The following TEK variants were observed in gnomAD, a reference collection of about 807,000 sequenced individuals.
The protein encoded by TEK is angiopoietin-1 receptor.
In TEK, 43 loss-of-function variants were observed where a neutral mutation model predicts 131.8. The observed-to-expected ratio is 0.33, with a 90% confidence interval of 0.26 to 0.42. The LOEUF (loss-of-function observed/expected upper bound fraction) is 0.42, where lower values mean the gene tolerates loss of function less well. TEK is among the 10% of genes least tolerant of loss of function. The probability of loss-of-function intolerance (pLI) is 1.00; values close to 1 mark genes in which losing one functional copy is unlikely to be tolerated. For synonymous variants in TEK, 580 were observed against 491.6 expected (o/e 1.18, Z -2.38); for missense variants, 1,162 against 1,384.4 (o/e 0.84, Z 2.55).
rs368410042 is a variant in TEK, at chr9:27,134,983, C to T, written c.53-22848C>T. Among the ~76,000 whole-genome samples, 494 of 152,196 alleles carry T rather than the reference C, an allele frequency of 3.2e-3. 3 individuals carry two copies. The highest frequency in any genetic ancestry group is 0.011 in the African/African-American group (469 of 41,560). Reference sequence around the variant, plus strand: ...TAAATTGTTATAATCCCAGCACTTTCGGAGGCTGAGGCAGGTGGATCACCT... The same window carrying T: ...TAAATTGTTATAATCCCAGCACTTTTGGAGGCTGAGGCAGGTGGATCACCT... On this transcript the variant is annotated intron_variant, in intron 1 of 22. Transcript: ENST00000380036.
At chr9:27,164,213 G>T (rs983167616) in intron 2 of TEK, among the ~76,000 whole-genome samples, 4 of 152,096 alleles carry the variant, frequency 2.6e-5, no homozygotes, top group Admixed American at 6.6e-5. Context: ...GTAAAATTAG[G>T]ATAATTGTAG....
At chr9:27,200,926 G>A (rs1825192219) in intron 12 of TEK, among the ~76,000 whole-genome samples, 1 of 152,092 alleles carries the variant, frequency 6.6e-6, no homozygotes, top group Admixed American at 6.5e-5. Flanking sequence ...AACTAGTACG[G>A]CATGGGGATT....
chr9:27,169,294 T>C (rs1431642086), intron 3 of TEK, among the ~76,000 whole-genome samples, 183 bp from the exon 4 acceptor site: 1 of 152,242 alleles, frequency 6.6e-6, no homozygotes, highest in Non-Finnish European at 1.5e-5. Context: ...TCTATCACTA[T>C]GACTTTCTTG....
intron 3 of TEK, 98 bp downstream of exon 3, chr9:27,168,703 TG>T: frequency 1.0e-6 from 1 of 963,170 alleles, no homozygotes; most frequent in Non-Finnish European, 1.6e-6. Flanking sequence ...TGTGGGCAGA[TG>T]TTTGAATTAA....
At chr9:27,212,601 T>C in intron 16 of TEK, 106 bp from the exon 17 acceptor site, 1 of 1,266,740 alleles carries the variant, frequency 7.9e-7, no homozygotes, top group Non-Finnish European at 1.1e-6. Flanking sequence ...GCTAGATGTG[T>C]TTTTTAGACA....
chr9:27,185,670 C>CA (rs1564083750), intron 9 of TEK, 41 bp downstream of exon 9: 1 of 1,611,948 alleles, frequency 6.2e-7, no homozygotes, highest in Non-Finnish European at 8.5e-7. Context: ...GTCCTTGATG[C>CA]ATTATGTTTT....
intron 16 of TEK, among the ~76,000 whole-genome samples, chr9:27,211,215 A>ATATATATGAATATATGTGTG (rs1564101144): frequency 1.5e-5 from 2 of 129,610 alleles, no homozygotes; most frequent in Admixed American, 8.2e-5. Context: ...ATATATGTGT[A>ATATATATGAATATATGTGTG]TATATATGAA....
intron 1 of TEK, among the ~76,000 whole-genome samples, chr9:27,112,588 T>C (rs1306507995): frequency 6.6e-6 from 1 of 152,208 alleles, no homozygotes; most frequent in Non-Finnish European, 1.5e-5. Flanking sequence ...AAAGACTATG[T>C]GATGTTCTCT....
intron 2 of TEK, among the ~76,000 whole-genome samples, chr9:27,165,257 A>C (rs1823687612): frequency 6.6e-6 from 1 of 152,206 alleles, no homozygotes; most frequent in Non-Finnish European, 1.5e-5. Flanking sequence ...CGGTCAGCTA[A>C]ACAATTCTCA....
chr9:27,185,507 A>C lies in TEK; in HGVS notation c.1205A>C (p.Asp402Ala). 1 of 1,613,710 alleles carries C rather than the reference A, an allele frequency of 6.2e-7. No individual in the cohort carries two copies. The highest frequency in any genetic ancestry group is 1.1e-5 in the South Asian group (1 of 91,074). Residue 402 changes from aspartate (D) to alanine (A), a missense_variant, in exon 9 of 23, where the codon GAT becomes GCT. Physicochemically the swap from Asp to Ala is moderately radical, Grantham distance 126. Around this residue, in one of 6 missense-constraint regions of TEK, gnomAD observed 436 missense variants for 539.1 expected, o/e 0.81. Coordinates refer to ENST00000380036, the MANE Select transcript of TEK (RefSeq NM_000459.5). ...CAGCCAAAAGACTTTAACCATACGG[A>C]TCATTTCTCAGTAGCCATATTCACC... The part of the protein sequence containing the change: ...VLHPKDFNHT[D>A]HFSVAIFTIH...
At chr9:27,113,402 A>T (rs1166577636) in intron 1 of TEK, among the ~76,000 whole-genome samples, 2 of 152,126 alleles carry the variant, frequency 1.3e-5, no homozygotes, top group Non-Finnish European at 1.5e-5. Context: ...CATCCTAGCC[A>T]ACATGGTGAA....
At chr9:27,119,019 A>G (rs2131036656) in intron 1 of TEK, among the ~76,000 whole-genome samples, 1 of 152,368 alleles carries the variant, frequency 6.6e-6, no homozygotes, top group Non-Finnish European at 1.5e-5. Flanking sequence ...ACGTGGGTCC[A>G]AGGATTTTCA....
intron 21 of TEK, among the ~76,000 whole-genome samples, chr9:27,226,002 A>G (rs532095328): frequency 6.6e-6 from 1 of 152,374 alleles, no homozygotes; most frequent in Non-Finnish European, 1.5e-5. Context: ...ACTGGTCATT[A>G]GAGAAATGCA....
chr9:27,114,318 A>T (rs900396212), intron 1 of TEK, among the ~76,000 whole-genome samples: 6 of 152,232 alleles, frequency 3.9e-5, no homozygotes, highest in African/African-American at 1.4e-4. Context: ...GATGCCTGTA[A>T]TCCCAGCACT....
At position 27,169,468 on chromosome 9, in the gene TEK, T is replaced by C; in HGVS notation, c.476-9T>C. On this transcript the variant is annotated splice_polypyrimidine_tract_variant and intron_variant, in intron 3 of 22. Coordinates refer to ENST00000380036, the MANE Select transcript of TEK (RefSeq NM_000459.5). ...TGACCTACGGTTCTTCACTCTTCCC[T>C]CTTACTAGGTTCCTTCATCCATTCA... 6.2e-7 allele frequency: 1 copy of C among 1,613,830 alleles called. No homozygotes were observed. The highest frequency in any genetic ancestry group is 8.5e-7 in the Non-Finnish European group (1 of 1,179,834).
At chr9:27,219,600 T>G (rs2131245082) in intron 20 of TEK, among the ~76,000 whole-genome samples, 1 of 109,860 alleles carries the variant, frequency 9.1e-6, no homozygotes, top group Non-Finnish European at 2.0e-5. Context: ...ATGGCACATG[T>G]ATCTCAGAAC....
chr9:27,180,352 C>A lies in TEK; in HGVS notation c.1014C>A (p.Leu338=), dbSNP rs773380552. ...GCLCSPGWQG[L]QCEREGIQRM... The stretch of plus-strand genomic sequence containing the variant: ...TCTGCTCTCCAGGATGGCAGGGGCT[C>A]CAGTGTGAGAGAGAAGGTAAAGCAA... The change falls in exon 7 of 23, where the codon CTC becomes CTA. Residue 338 remains leucine, a synonymous_variant. Transcript: ENST00000380036. 2 of 1,613,306 alleles carry A rather than the reference C, an allele frequency of 1.2e-6. No homozygotes were observed. The highest frequency in any genetic ancestry group is 1.7e-6 in the Non-Finnish European group (2 of 1,179,662).
At chr9:27,195,882 T>C (rs1355044655) in intron 11 of TEK, among the ~76,000 whole-genome samples, 1 of 152,252 alleles carries the variant, frequency 6.6e-6, no homozygotes, top group Non-Finnish European at 1.5e-5. Context: ...TTCCTGTCTC[T>C]CTGATTTTAA....
At chr9:27,159,969 CT>C (rs1823483316) in intron 2 of TEK, among the ~76,000 whole-genome samples, 1 of 138,506 alleles carries the variant, frequency 7.2e-6, no homozygotes, top group Non-Finnish European at 1.5e-5. Flanking sequence ...GGACTGAGGA[CT>C]TGTCATTACA....
Sources: allele counts gnomAD v4.1 joint callset (sites outside exome capture counted in the v4.1 genomes callset), GRCh38; gene constraint gnomAD v4.1.1; regional missense constraint gnomAD v4.1.1; transcripts MANE v1.5; gene names NCBI Gene and HGNC (gene_info 2026-07-23, HGNC 2026-07-21).